The following LRP1B variants were observed in gnomAD, a reference collection of about 807,000 sequenced individuals.
LRP1B encodes the protein LDL receptor related protein 1B.
Under a neutral mutation model 556.6 loss-of-function variants are expected in LRP1B, and 217 were observed. That is an observed-to-expected ratio of 0.39 (90% CI 0.35 to 0.44). LRP1B has a LOEUF of 0.44. Among genes scored for constraint, LRP1B ranks in the 20% least tolerant of loss-of-function variants. LRP1B has a pLI of 1.00. For missense variants in LRP1B, 5,053 were observed against 5,620.8 expected (o/e 0.90, Z 3.23); for synonymous variants, 2,047 against 1,865.8 (o/e 1.10, Z -2.50).
At chr2:142,114,530 A>G (rs976496092) in intron 1 of LRP1B, among the ~76,000 whole-genome samples, 1 of 152,184 alleles carries the variant, frequency 6.6e-6, no homozygotes, top group Non-Finnish European at 1.5e-5. Flanking sequence ...GTATCTATCA[A>G]GATGAATGGA....
At chr2:140,281,204 T>A (rs1473913171) in intron 84 of LRP1B, among the ~76,000 whole-genome samples, 1 of 151,940 alleles carries the variant, frequency 6.6e-6, no homozygotes. Flanking sequence ...AGACTCTACA[T>A]AAAAATATGT....
At chr2:140,710,012 GAA>G (rs1403594552) in intron 37 of LRP1B, among the ~76,000 whole-genome samples, 1 of 151,950 alleles carries the variant, frequency 6.6e-6, no homozygotes, top group Admixed American at 6.6e-5. Flanking sequence ...TATGAATATG[GAA>G]AAAGTTTATC....
chr2:140,852,178 T>A (rs944392633), intron 27 of LRP1B, among the ~76,000 whole-genome samples: 2 of 151,868 alleles, frequency 1.3e-5, no homozygotes, highest in African/African-American at 2.4e-5. Context: ...ATACAAAAAA[T>A]TTGCCGAGCG....
intron 49 of LRP1B, among the ~76,000 whole-genome samples, chr2:140,525,538 T>A (rs752372051): frequency 3.3e-5 from 5 of 151,956 alleles, no homozygotes; most frequent in Non-Finnish European, 7.4e-5. Flanking sequence ...AGGTATGTAA[T>A]AATTCTGTTG....
chr2:142,040,342 A>G (rs187435867), intron 1 of LRP1B, among the ~76,000 whole-genome samples: 39 of 151,506 alleles, frequency 2.6e-4, no homozygotes, highest in Non-Finnish European at 8.9e-5. Context: ...AAAGAGAAAA[A>G]TGATTCTGAA....
chr2:142,095,607 T>G (rs1254375925), intron 1 of LRP1B, among the ~76,000 whole-genome samples: 3 of 151,804 alleles, frequency 2.0e-5, no homozygotes, highest in Non-Finnish European at 1.5e-5. Context: ...AGTTAATTAC[T>G]ACCTCTGGCC....
chr2:141,727,729 G>A (rs1693093821), intron 2 of LRP1B, among the ~76,000 whole-genome samples: 1 of 152,050 alleles, frequency 6.6e-6, no homozygotes, highest in African/African-American at 2.4e-5. Context: ...AATGTGTCAT[G>A]AGAGTTCTGG....
chr2:140,348,746 CAT>C (rs1374908248), intron 77 of LRP1B, among the ~76,000 whole-genome samples: 1 of 151,962 alleles, frequency 6.6e-6, no homozygotes, highest in Non-Finnish European at 1.5e-5. Context: ...AAAATATACA[CAT>C]ATAAATATTC....
At chr2:141,145,773 T>C (rs1438737200) in intron 7 of LRP1B, among the ~76,000 whole-genome samples, 1 of 152,008 alleles carries the variant, frequency 6.6e-6, no homozygotes, top group Admixed American at 6.6e-5. Flanking sequence ...CCTCGGGTGA[T>C]CCGCACACCT....
intron 35 of LRP1B, among the ~76,000 whole-genome samples, chr2:140,762,889 G>A (rs1427752949): frequency 6.6e-6 from 1 of 151,866 alleles, no homozygotes; most frequent in Non-Finnish European, 1.5e-5. Context: ...TCTTAAAATG[G>A]GAAGAAAAGC....
intron 3 of LRP1B, among the ~76,000 whole-genome samples, chr2:141,264,892 A>G (rs967893395): frequency 2.0e-5 from 3 of 152,154 alleles, no homozygotes; most frequent in African/African-American, 7.2e-5. Context: ...GGCTGAGGCT[A>G]TAGAGTTTCA....
At chr2:142,079,048 A>G (rs1486445035) in intron 1 of LRP1B, among the ~76,000 whole-genome samples, 1 of 152,212 alleles carries the variant, frequency 6.6e-6, no homozygotes, top group Non-Finnish European at 1.5e-5. Context: ...GAAATATTTT[A>G]ACATGATTCA....
At chr2:141,734,396 A>G (rs2105525394) in intron 2 of LRP1B, among the ~76,000 whole-genome samples, 1 of 152,216 alleles carries the variant, frequency 6.6e-6, no homozygotes, top group Admixed American at 6.6e-5. Flanking sequence ...TCACCACTAA[A>G]GAATCTCTTT....
intron 21 of LRP1B, among the ~76,000 whole-genome samples, chr2:140,911,522 A>G (rs1694419180): frequency 6.6e-6 from 1 of 151,810 alleles, no homozygotes; most frequent in Non-Finnish European, 1.5e-5. Context: ...CTTGTAAAAA[A>G]TTATATGTTG....
At chr2:141,210,042 C>T (rs1472109159) in intron 6 of LRP1B, among the ~76,000 whole-genome samples, 1 of 151,240 alleles carries the variant, frequency 6.6e-6, no homozygotes, top group Non-Finnish European at 1.5e-5. Context: ...TTAAAATAAA[C>T]CTATAAGTCA....
intron 26 of LRP1B, 127 bp downstream of exon 26, chr2:140,867,972 C>CAAA: frequency 9.0e-7 from 1 of 1,116,660 alleles, no homozygotes; most frequent in Non-Finnish European, 1.2e-6. Flanking sequence ...TTGGGGCAAG[C>CAAA]AAAAAAAAAA....
intron 1 of LRP1B, among the ~76,000 whole-genome samples, chr2:141,896,893 C>A (rs1475839090): frequency 1.3e-5 from 2 of 152,022 alleles, no homozygotes; most frequent in Admixed American, 1.3e-4. Flanking sequence ...GGGCATAGTC[C>A]CAGTGATGGA....
chr2:140,334,927 G>A (rs1680993109), intron 78 of LRP1B, among the ~76,000 whole-genome samples: 1 of 151,960 alleles, frequency 6.6e-6, no homozygotes, highest in African/African-American at 2.4e-5. Flanking sequence ...TATGGATGCT[G>A]TATGAACACG....
intron 3 of LRP1B, among the ~76,000 whole-genome samples, chr2:141,289,220 TA>T (rs2105404887): frequency 6.6e-6 from 1 of 151,438 alleles, no homozygotes; most frequent in South Asian, 2.1e-4. Flanking sequence ...CCGTCTCTAC[TA>T]AAAATACAAA....
Sources: allele counts gnomAD v4.1 joint callset (sites outside exome capture counted in the v4.1 genomes callset), GRCh38; gene constraint gnomAD v4.1.1; transcripts MANE v1.5; gene names NCBI Gene and HGNC (gene_info 2026-07-23, HGNC 2026-07-21).